The following ARHGAP15 variants were observed in gnomAD, a reference collection of about 807,000 sequenced individuals.
ARHGAP15 encodes the protein Rho GTPase activating protein 15.
A neutral mutation model predicts 63.7 loss-of-function variants in ARHGAP15; 51 were observed. That is an observed-to-expected ratio of 0.80 (90% confidence interval 0.64 to 1.01). The LOEUF (loss-of-function observed/expected upper bound fraction) is 1.01. Among genes scored for constraint, ARHGAP15 ranks in the 50% least tolerant of loss-of-function variants. The probability of loss-of-function intolerance (pLI) is 0.00; values close to 1 mark genes in which losing one functional copy is unlikely to be tolerated. For synonymous variants in ARHGAP15, 191 were observed against 193.8 expected, an observed-to-expected ratio of 0.99 and a Z score of 0.12; for missense variants, 560 against 564.6, an observed-to-expected ratio of 0.99 and a Z score of 0.08.
chr2:143,423,247 G>A (rs1360499622), intron 6 of ARHGAP15, among the ~76,000 whole-genome samples: 1 of 152,154 alleles, frequency 6.6e-6, no homozygotes, highest in Non-Finnish European at 1.5e-5. Context: ...TTAAGAGGAT[G>A]TCTTCCCCAC....
chr2:143,285,607 G>A (rs898070498), intron 6 of ARHGAP15, among the ~76,000 whole-genome samples: 3 of 152,098 alleles, frequency 2.0e-5, no homozygotes, highest in Admixed American at 2.0e-4. Flanking sequence ...ATTCATTTCT[G>A]AATTAGAAAA....
At chr2:143,227,500 T>C (rs1220786039) in intron 4 of ARHGAP15, among the ~76,000 whole-genome samples, 1 of 152,170 alleles carries the variant, frequency 6.6e-6, no homozygotes, top group Non-Finnish European at 1.5e-5. Flanking sequence ...AAATTTATCA[T>C]AAGTGTTATG....
chr2:143,252,269 T>C (rs913806143), intron 6 of ARHGAP15, among the ~76,000 whole-genome samples: 1 of 152,056 alleles, frequency 6.6e-6, no homozygotes, highest in African/African-American at 2.4e-5. Flanking sequence ...TATTTTTATA[T>C]AACTATGAAC....
intron 9 of ARHGAP15, among the ~76,000 whole-genome samples, chr2:143,506,098 G>A (rs543659133): frequency 5.9e-5 from 9 of 152,178 alleles, no homozygotes; most frequent in South Asian, 4.2e-4. Flanking sequence ...AATTGAAGTC[G>A]TACCACCTGG....
At chr2:143,357,799 CAGAAA>C (rs1323932184) in intron 6 of ARHGAP15, among the ~76,000 whole-genome samples, 2 of 152,042 alleles carry the variant, frequency 1.3e-5, no homozygotes, top group African/African-American at 4.8e-5. Context: ...AAAGTCGAAT[CAGAAA>C]AGAAGGCCAG....
In ARHGAP15 at chr2:143,492,163, T is replaced by A. The variant is rs550876383; in HGVS notation, c.826+4668T>A. On this transcript the variant is annotated intron_variant, in intron 9 of 13. Transcript: ENST00000295095. Reference sequence around the variant, plus strand: ...TCCCAAAGTGCTAGGATTATAGGTGTGAGCCACCGCGCCTGGCCCTGCTTG... The same window carrying A: ...TCCCAAAGTGCTAGGATTATAGGTGAGAGCCACCGCGCCTGGCCCTGCTTG... 3.2e-3 allele frequency among the ~76,000 whole-genome samples: 489 copies of A among 152,308 alleles called. 2 individuals are homozygous for A. The highest frequency in any genetic ancestry group is 6.8e-3 in the Middle Eastern group (2 of 294).
chr2:143,268,075 C>T (rs1037462536), intron 6 of ARHGAP15, among the ~76,000 whole-genome samples: 2 of 151,954 alleles, frequency 1.3e-5, no homozygotes, highest in African/African-American at 4.8e-5. Flanking sequence ...GTAAAAACTA[C>T]TCTAATTTTA....
intron 8 of ARHGAP15, among the ~76,000 whole-genome samples, chr2:143,443,168 T>C (rs1188034768): frequency 2.0e-5 from 3 of 152,210 alleles, no homozygotes; most frequent in African/African-American, 7.2e-5. Flanking sequence ...TAAATACATA[T>C]TTTAAAGTTT....
At chr2:143,560,886 G>T (rs996226861) in intron 11 of ARHGAP15, among the ~76,000 whole-genome samples, 4 of 152,204 alleles carry the variant, frequency 2.6e-5, no homozygotes, top group South Asian at 4.1e-4. Context: ...GCAGCGCTCT[G>T]CCCTGTTTGT....
intron 9 of ARHGAP15, 174 bp from the exon 10 acceptor site, chr2:143,519,092 C>A: frequency 2.1e-6 from 1 of 478,776 alleles, no homozygotes; most frequent in Non-Finnish European, 3.9e-6. Flanking sequence ...CCTGTTCCAT[C>A]AAGGAGGGAG....
intron 10 of ARHGAP15, among the ~76,000 whole-genome samples, chr2:143,551,904 C>T (rs1245902914): frequency 6.6e-6 from 1 of 152,166 alleles, no homozygotes; most frequent in Admixed American, 6.5e-5. Flanking sequence ...GTTGGAAACA[C>T]TCATTTCAAC....
At chr2:143,374,816 G>T (rs1189208512) in intron 6 of ARHGAP15, among the ~76,000 whole-genome samples, 2 of 151,962 alleles carry the variant, frequency 1.3e-5, no homozygotes, top group East Asian at 3.9e-4. Flanking sequence ...GGTACTTCTG[G>T]AAAGAGTTGT....
chr2:143,581,358 C>T (rs1482263308), intron 11 of ARHGAP15, among the ~76,000 whole-genome samples: 2 of 152,094 alleles, frequency 1.3e-5, no homozygotes, highest in Non-Finnish European at 2.9e-5. Flanking sequence ...GCAGTCACAT[C>T]TTGGAGTGCC....
intron 13 of ARHGAP15, among the ~76,000 whole-genome samples, chr2:143,725,213 A>G (rs1326023961): frequency 6.6e-6 from 1 of 152,238 alleles, no homozygotes. Flanking sequence ...ATTGCACATA[A>G]AACCTTTTTT....
At chr2:143,189,396 C>T (rs971780212) in intron 2 of ARHGAP15, among the ~76,000 whole-genome samples, 5 of 149,432 alleles carry the variant, frequency 3.3e-5, no homozygotes, top group South Asian at 2.1e-4. Flanking sequence ...TCTTGTACTT[C>T]ATGTTAAATT....
At chr2:143,291,021 T>C (rs947172792) in intron 6 of ARHGAP15, among the ~76,000 whole-genome samples, 1 of 152,110 alleles carries the variant, frequency 6.6e-6, no homozygotes, top group Admixed American at 6.6e-5. Context: ...AGTGAGAGGA[T>C]ACACAGTACT....
rs373005638 is a variant in ARHGAP15 at position 143,542,341 on chromosome 2, TCGC to T, written c.926-14065_926-14063del. On this transcript the variant is annotated intron_variant, in intron 10 of 13. Coordinates refer to ENST00000295095, the MANE Select transcript of ARHGAP15 (RefSeq NM_018460.4). ...TGCACTTCCCGGGTGAGGCGATGCC[TCGC>T]CCTGCTTCGGCTCATGCACGGTGCA... Among the ~76,000 whole-genome samples the T allele has an allele frequency of 7.0e-4, 106 of 152,146 alleles. No homozygotes were observed. The East Asian group carries it at 0.019, about 28-fold the overall frequency.
intron 8 of ARHGAP15, among the ~76,000 whole-genome samples, chr2:143,467,242 C>CTTTTTTTTTTTTTTTTTTTTT (rs202115707): frequency 4.0e-4 from 23 of 57,898 alleles, no homozygotes; most frequent in African/African-American, 5.3e-4. Flanking sequence ...ACTCCATGGC[C>CTTTTTTTTTTTTTTTTTTTTT]TTTTTTTTTT....
chr2:143,508,310 A>C (rs956782811), intron 9 of ARHGAP15, among the ~76,000 whole-genome samples: 1 of 152,210 alleles, frequency 6.6e-6, no homozygotes, highest in Non-Finnish European at 1.5e-5. Flanking sequence ...GTGTCTGCTC[A>C]GATGCCATTG....
Sources: gnomAD v4.1 joint callset for allele counts (sites outside exome capture counted in the v4.1 genomes callset) on GRCh38, gnomAD v4.1.1 for gene constraint, MANE v1.5 for transcripts, NCBI Gene and HGNC (gene_info 2026-07-23, HGNC 2026-07-21) for gene names.